The following TPM3 variants were observed in gnomAD, a reference collection of about 807,000 sequenced individuals.
TPM3 encodes the protein tropomyosin 3, also known as tropomyosin alpha-3 chain.
In TPM3, 16 loss-of-function variants were observed where a neutral mutation model predicts 43.1. The observed-to-expected ratio is 0.37, with a 90% confidence interval of 0.25 to 0.56. The LOEUF is 0.56. Among genes scored for constraint, TPM3 ranks in the 20% least tolerant of loss-of-function variants. The pLI is 0.77. For missense variants in TPM3, 176 were observed against 337.2 expected, an observed-to-expected ratio of 0.52 and a Z score of 3.74; for synonymous variants, 101 against 116.9, an observed-to-expected ratio of 0.86 and a Z score of 0.88.
chr1:154,171,335 G>T (rs759521768), intron 6 of TPM3, 78 bp downstream of exon 6: 13 of 1,448,638 alleles, frequency 9.0e-6, no homozygotes, highest in African/African-American at 2.8e-5. Flanking sequence ...TATATGGAAT[G>T]CGTGTCTCCA....
intron 9 of TPM3, among the ~76,000 whole-genome samples, 172 bp from the exon 10 acceptor site, chr1:154,168,112 T>C (rs1469489113): frequency 6.6e-6 from 1 of 152,120 alleles, no homozygotes; most frequent in Admixed American, 6.6e-5. Context: ...GTGGGAAAGA[T>C]ACAAAGAGGC....
intron 2 of TPM3, among the ~76,000 whole-genome samples, chr1:154,187,978 G>T (rs1460125392): frequency 6.6e-6 from 1 of 151,552 alleles, no homozygotes; most frequent in Admixed American, 6.6e-5. Context: ...CCAAAGCCCA[G>T]GGGTAACCTG....
rs1661146948 is a variant in TPM3 at position 154,167,874 on chromosome 1, G to A, written c.*63C>T. 6 of 1,613,852 alleles carry A rather than the reference G, an allele frequency of 3.7e-6. No individual in the cohort carries two copies. In the Admixed American group the frequency reaches 8.3e-5, roughly 22 times the overall value. On this transcript the variant is annotated 3_prime_UTR_variant, in exon 10 of 10. Coordinates refer to ENST00000651641, the MANE Select transcript of TPM3 (RefSeq NM_152263.4). ...CCCAAATGGAATCCAGAGCGAGAGT[G>A]GGGCCTTGGGTTCCCCGAGGAGTAA...
intron 2 of TPM3, among the ~76,000 whole-genome samples, chr1:154,189,902 T>C (rs1304882419): frequency 1.3e-5 from 2 of 152,088 alleles, no homozygotes; most frequent in Non-Finnish European, 2.9e-5. Context: ...TCACTCTGTC[T>C]GTCCTTCTAG....
chr1:154,165,385 C>G lies in TPM3; in HGVS notation c.*2552G>C, dbSNP rs988402870. ...TGGGTGACAGAGCGAGACTCCATCT[C>G]AAAAAGAGAAAAATAAATAAATAAT... On this transcript the variant is annotated 3_prime_UTR_variant, in exon 10 of 10. Transcript: ENST00000651641. 2.0e-5 allele frequency among the ~76,000 whole-genome samples: 3 copies of G among 151,822 alleles called. No homozygotes were observed. Among genetic ancestry groups the G allele is most frequent in the African/African-American group, 7.3e-5 (3 of 41,328 alleles).
chr1:154,176,028 T>C, intron 3 of TPM3, 87 bp downstream of exon 3: 1 of 1,600,242 alleles, frequency 6.2e-7, no homozygotes, highest in Non-Finnish European at 8.5e-7. Context: ...CCAGAATTGC[T>C]ATTTAGAAAA....
chr1:154,186,032 C>T (rs1663398029), intron 2 of TPM3, among the ~76,000 whole-genome samples: 1 of 151,564 alleles, frequency 6.6e-6, no homozygotes, highest in Non-Finnish European at 1.5e-5. Context: ...TTCCTATCAC[C>T]TTTTGGAAAT....
intron 5 of TPM3, chr1:154,172,671 CA>C: frequency 1.7e-6 from 1 of 581,220 alleles, no homozygotes; most frequent in Non-Finnish European, 3.1e-6. Flanking sequence ...TATTTGCTCT[CA>C]ATTTGTAAAC....
In TPM3 at chr1:154,167,499, T is replaced by C; in HGVS notation, c.*438A>G. On this transcript the variant is annotated 3_prime_UTR_variant, in exon 10 of 10. Transcript: ENST00000651641. ...AACCTGGAAATAAGGAATTTAATCT[T>C]GTTCAGCTTGAGGAGTATAACTAAA... The C allele has an allele frequency of 7.4e-6, 8 of 1,082,272 alleles. No homozygotes were observed. Among genetic ancestry groups the C allele is most frequent in the Non-Finnish European group, 7.9e-6 (7 of 888,242 alleles). 67.0% of individuals were successfully genotyped at this position (1,082,272 alleles called of 1,614,324 possible). A position where few individuals can be genotyped will look rare whatever the true frequency, so the allele number is the denominator to read the frequency against.
At chr1:154,176,307 A>G (rs567377565) in intron 2 of TPM3, 59 bp from the exon 3 acceptor site, 1 of 1,612,920 alleles carries the variant, frequency 6.2e-7, no homozygotes, top group South Asian at 1.1e-5. Context: ...AGAAGAAATA[A>G]CTATGACATT....
At chr1:154,187,504 G>A (rs866833603) in intron 2 of TPM3, 50 of 984,608 alleles carry the variant, frequency 5.1e-5, no homozygotes, top group Middle Eastern at 1.0e-3. Context: ...ATTTAAATGG[G>A]TTTTGGTGGA....
At chr1:154,187,525 A>C (rs773095189) in intron 2 of TPM3, 3 of 984,304 alleles carry the variant, frequency 3.0e-6, no homozygotes, top group Non-Finnish European at 3.6e-6. Flanking sequence ...TTCCTATGTA[A>C]ATATGAAGAA....
At chr1:154,175,968 C>T (rs1438428489) in intron 3 of TPM3, 147 bp downstream of exon 3, 5 of 1,338,048 alleles carry the variant, frequency 3.7e-6, no homozygotes, top group African/African-American at 2.9e-5. Context: ...CACCCTCCTG[C>T]CTCAGCGTCC....
chr1:154,156,514 A>G (rs1409760385), downstream of TPM3: 1 of 199,336 alleles, frequency 5.0e-6, no homozygotes, highest in Non-Finnish European at 1.0e-5. Flanking sequence ...CAGGATGTAC[A>G]CCTAACAGAC....
At position 154,191,194 on chromosome 1, in the gene TPM3, C is replaced by CAG. The variant is rs761469594; in HGVS notation, c.234_235insCT (p.Ala79LeufsTer12). ...ATCTCTCTAATACTCACATCAGCAGCCTTCTTCTCTGCCAGTTCCAGCTTC... is the reference window on the plus strand; with the variant it reads ...ATCTCTCTAATACTCACATCAGCAGCAGCTTCTTCTCTGCCAGTTCCAGCTTC... On this transcript the variant is annotated frameshift_variant, in exon 2 of 10. Transcript: ENST00000651641. LOFTEE classifies it high-confidence loss of function. 6.2e-7 allele frequency: 1 copy of CAG among 1,614,030 alleles called. No individual in the cohort carries two copies. Among genetic ancestry groups the CAG allele is most frequent in the Non-Finnish European group, 8.5e-7 (1 of 1,180,034 alleles).
At chr1:154,155,795 T>A (rs1469473982), downstream of TPM3, 1 of 224,428 alleles carries the variant, frequency 4.5e-6, no homozygotes, top group Non-Finnish European at 8.9e-6. Flanking sequence ...AAGGAAAATG[T>A]ATATAGTTCA....
chr1:154,177,556 C>A (rs1202372813), intron 2 of TPM3, among the ~76,000 whole-genome samples: 1 of 152,146 alleles, frequency 6.6e-6, no homozygotes, highest in Non-Finnish European at 1.5e-5. Context: ...GGGAGGTACC[C>A]TGACTGCAAC....
chr1:154,181,228 A>G (rs974703167), intron 2 of TPM3, among the ~76,000 whole-genome samples: 2 of 152,198 alleles, frequency 1.3e-5, no homozygotes, highest in Non-Finnish European at 2.9e-5. Context: ...CTCCCATCCC[A>G]GCATCTCCAT....
intron 8 of TPM3, chr1:154,170,102 T>TAA (rs543603270): frequency 2.7e-5 from 11 of 405,704 alleles, no homozygotes; most frequent in Non-Finnish European, 4.6e-5. Context: ...ACCCACAGAC[T>TAA]AAAGGTTTAA....
Sources: gnomAD v4.1 joint callset for allele counts (sites outside exome capture counted in the v4.1 genomes callset) on GRCh38, gnomAD v4.1.1 for gene constraint, MANE v1.5 for transcripts, NCBI Gene and HGNC (gene_info 2026-07-23, HGNC 2026-07-21) for gene names.